The following DOCK3 variants were observed in gnomAD, a reference collection of about 807,000 sequenced individuals.
DOCK3 encodes dedicator of cytokinesis 3, also known as dedicator of cytokinesis protein 3.
DOCK3 carries 60 observed loss-of-function variants against 265.6 expected under a neutral mutation model. The ratio of observed to expected loss-of-function variants is 0.23; its 90% CI spans 0.18 to 0.28. The LOEUF is 0.28. DOCK3 is among the 10% of genes least tolerant of loss of function. The pLI is 1.00. For synonymous variants in DOCK3, 881 were observed against 938.0 expected, an observed-to-expected ratio of 0.94 and a Z score of 1.11; for missense variants, 1,981 against 2,594.3, an observed-to-expected ratio of 0.76 and a Z score of 5.14.
intron 9 of DOCK3, among the ~76,000 whole-genome samples, chr3:51,125,174 A>T (rs938959375): frequency 6.6e-6 from 1 of 152,264 alleles, no homozygotes; most frequent in Non-Finnish European, 1.5e-5. Context: ...GAGAGTAAAA[A>T]GCAATTTAAC....
intron 10 of DOCK3, among the ~76,000 whole-genome samples, chr3:51,150,752 T>A (rs966717106): frequency 6.6e-6 from 1 of 152,208 alleles, no homozygotes; most frequent in Non-Finnish European, 1.5e-5. Flanking sequence ...GTGCTTTACT[T>A]CCAACTATGT....
intron 27 of DOCK3, among the ~76,000 whole-genome samples, chr3:51,308,741 C>T (rs1334970749): frequency 3.2e-4 from 48 of 152,342 alleles, no homozygotes; most frequent in African/African-American, 1.1e-3. Context: ...GGGTACACCT[C>T]CCAGACGGGG....
intron 5 of DOCK3, among the ~76,000 whole-genome samples, chr3:51,014,185 A>G (rs1346465907): frequency 6.6e-6 from 1 of 152,130 alleles, no homozygotes; most frequent in East Asian, 1.9e-4. Flanking sequence ...CTTTCCAGCC[A>G]GTCCCAATGA....
chr3:50,973,219 C>A (rs1238932198), intron 5 of DOCK3, among the ~76,000 whole-genome samples: 2 of 148,674 alleles, frequency 1.3e-5, no homozygotes, highest in East Asian at 3.9e-4. Context: ...ACATGTGCCA[C>A]GCTGGTGCGC....
chr3:50,974,474 G>A (rs1164875522), intron 5 of DOCK3, among the ~76,000 whole-genome samples: 2 of 151,836 alleles, frequency 1.3e-5, no homozygotes, highest in African/African-American at 2.4e-5. Context: ...ATTTCTGAGG[G>A]CTCTGTTCTG....
At chr3:51,058,131 A>G (rs1042560714) in intron 5 of DOCK3, among the ~76,000 whole-genome samples, 8 of 152,156 alleles carry the variant, frequency 5.3e-5, no homozygotes, top group African/African-American at 1.9e-4. Flanking sequence ...CACTCACACC[A>G]TTGAAACTCC....
intron 12 of DOCK3, among the ~76,000 whole-genome samples, chr3:51,187,538 T>G (rs553997006): frequency 2.7e-4 from 41 of 152,144 alleles, no homozygotes; most frequent in Non-Finnish European, 1.5e-5. Flanking sequence ...TGTGAAGATA[T>G]GAGATTTTGG....
intron 10 of DOCK3, among the ~76,000 whole-genome samples, chr3:51,155,484 G>A (rs1245163226): frequency 6.6e-6 from 1 of 152,152 alleles, no homozygotes; most frequent in African/African-American, 2.4e-5. Context: ...TGATGTGTGT[G>A]CTGCAAAGTC....
chr3:51,099,816 AAAAGT>A (rs2109706323), intron 9 of DOCK3, among the ~76,000 whole-genome samples: 1 of 152,338 alleles, frequency 6.6e-6, no homozygotes, highest in African/African-American at 2.4e-5. Context: ...ATGGAATAGA[AAAAGT>A]AAAGCATAAG....
intron 32 of DOCK3, among the ~76,000 whole-genome samples, chr3:51,315,865 T>C (rs1217758179): frequency 6.6e-6 from 1 of 152,164 alleles, no homozygotes. Flanking sequence ...TTTTCTGTAT[T>C]GGCTTGGGAA....
intron 4 of DOCK3, among the ~76,000 whole-genome samples, chr3:50,916,243 C>A (rs565388497): frequency 6.6e-6 from 1 of 151,942 alleles, no homozygotes; most frequent in Non-Finnish European, 1.5e-5. Context: ...AATGTGTGTT[C>A]CTGGGATCCT....
Position 51,374,696 on chromosome 3 carries a change from C to A in DOCK3, c.5412+109C>A. On this transcript the variant is annotated intron_variant, in intron 50 of 52. Transcript: ENST00000266037. This position sits in a 1 kb window ranked among gnomAD's most constrained non-coding sequence, Gnocchi z 4.8. The stretch of plus-strand genomic sequence containing the variant: ...ATTGTCCTACATGGCTCTCTCATTC[C>A]GCTGTAAGATCCCGCAAAAGGCCGC... The A allele has an allele frequency of 9.1e-7, 1 of 1,103,996 alleles. No homozygotes were observed. The highest frequency in any genetic ancestry group is 2.1e-5 in the Admixed American group (1 of 47,488). The allele number at this position is 1,103,996 out of a possible 1,614,324, so 68.4% of individuals were successfully genotyped here.
At chr3:51,126,221 C>G (rs923091496) in intron 9 of DOCK3, among the ~76,000 whole-genome samples, 4 of 152,172 alleles carry the variant, frequency 2.6e-5, no homozygotes, top group Non-Finnish European at 4.4e-5. Flanking sequence ...GCATGCCATT[C>G]AAAACTGCTA....
intron 5 of DOCK3, among the ~76,000 whole-genome samples, chr3:50,975,886 G>T (rs1254364203): frequency 2.7e-5 from 4 of 149,522 alleles, no homozygotes; most frequent in African/African-American, 9.8e-5. Context: ...TGTATGTGTC[G>T]AGGAATTTAT....
intron 22 of DOCK3, among the ~76,000 whole-genome samples, chr3:51,248,641 C>T (rs1210013435): frequency 8.0e-5 from 12 of 150,546 alleles, no homozygotes; most frequent in Admixed American, 2.6e-4. Context: ...GGAGCGTCTC[C>T]GCCTGGCCGC....
chr3:50,913,104 GA>G (rs1320424449), intron 4 of DOCK3, among the ~76,000 whole-genome samples: 2 of 152,120 alleles, frequency 1.3e-5, no homozygotes, highest in Non-Finnish European at 2.9e-5. Flanking sequence ...CAAGGCCCTT[GA>G]CATAGTACCT....
intron 23 of DOCK3, among the ~76,000 whole-genome samples, chr3:51,267,678 G>A (rs544048339): frequency 3.9e-5 from 6 of 152,114 alleles, no homozygotes; most frequent in Non-Finnish European, 7.4e-5. Context: ...GAGCCACCGC[G>A]CCCAGCCACA....
intron 5 of DOCK3, among the ~76,000 whole-genome samples, chr3:51,031,407 A>C (rs749450973): frequency 5.3e-5 from 8 of 152,172 alleles, no homozygotes; most frequent in Non-Finnish European, 1.0e-4. Context: ...CTGTCTCCTT[A>C]TGTTTTAATC....
intron 1 of DOCK3, among the ~76,000 whole-genome samples, chr3:50,756,425 G>C (rs1198113133): frequency 6.6e-6 from 1 of 152,022 alleles, no homozygotes; most frequent in Admixed American, 6.6e-5. Context: ...CTCCTGCCCT[G>C]CTTGTCTGTC....
Sources: gnomAD v4.1 joint callset for allele counts (sites outside exome capture counted in the v4.1 genomes callset) on GRCh38, gnomAD v4.1.1 for gene constraint, Gnocchi (gnomAD v3.1) non-coding constraint, MANE v1.5 for transcripts, NCBI Gene and HGNC (gene_info 2026-07-23, HGNC 2026-07-21) for gene names.